Variants in BABAM2 observed in about 807,000 individuals in gnomAD.
BABAM2 encodes the protein BRISC and BRCA1 A complex member 2.
A neutral mutation model predicts 54.7 loss-of-function variants in BABAM2; 31 were observed. That is an observed-to-expected ratio of 0.57 (90% confidence interval 0.43 to 0.77). The LOEUF is 0.77. BABAM2 is among the 30% of genes least tolerant of loss of function. The probability of loss-of-function intolerance (pLI) is 0.00; values close to 1 mark genes in which losing one functional copy is unlikely to be tolerated. For synonymous variants in BABAM2, 167 were observed against 162.9 expected, an observed-to-expected ratio of 1.03 and a Z score of -0.19; for missense variants, 364 against 455.8, an observed-to-expected ratio of 0.80 and a Z score of 1.83.
At chr2:28,115,268 G>A (rs1668511564) in intron 6 of BABAM2, among the ~76,000 whole-genome samples, 1 of 150,884 alleles carries the variant, frequency 6.6e-6, no homozygotes, top group Non-Finnish European at 1.5e-5. Flanking sequence ...CTAAAAACCT[G>A]TAGGATTTTA....
At chr2:27,899,476 GT>G (rs10710226) in intron 2 of BABAM2, among the ~76,000 whole-genome samples, 96,503 of 144,328 alleles carry the variant, frequency 0.67, 32,982 homozygotes, top group Middle Eastern at 0.79. Flanking sequence ...TAGTCCTAGT[GT>G]TTTTTTTTTT....
At chr2:28,312,526 CT>C (rs1344624850) in intron 11 of BABAM2, among the ~76,000 whole-genome samples, 2 of 152,170 alleles carry the variant, frequency 1.3e-5, no homozygotes, top group Admixed American at 6.5e-5. Context: ...GCATTAACTA[CT>C]CAGAAGACTG....
chr2:28,259,104 T>C (rs1323309757), intron 10 of BABAM2, among the ~76,000 whole-genome samples: 1 of 130,780 alleles, frequency 7.6e-6, no homozygotes, highest in Non-Finnish European at 1.6e-5. Context: ...TTTTTTTTTT[T>C]TTCAGACTGA....
chr2:28,205,316 A>G (rs1016442615), intron 7 of BABAM2, among the ~76,000 whole-genome samples: 5 of 152,072 alleles, frequency 3.3e-5, no homozygotes, highest in African/African-American at 1.2e-4. Flanking sequence ...CCTGGCCAAC[A>G]TGGTAAAACC....
intron 6 of BABAM2, among the ~76,000 whole-genome samples, chr2:28,059,509 G>GT (rs754296035): frequency 6.6e-6 from 1 of 152,294 alleles, no homozygotes; most frequent in South Asian, 2.1e-4. Context: ...AGAAAGTCAT[G>GT]TGAGTACTTC....
chr2:27,984,053 C>T (rs924480733), intron 3 of BABAM2, among the ~76,000 whole-genome samples: 35 of 141,848 alleles, frequency 2.5e-4, no homozygotes, highest in African/African-American at 9.0e-4. Context: ...CAATGTTTAC[C>T]AGTTTGGAAA....
chr2:28,112,190 C>CTT (rs1558347322), intron 6 of BABAM2, among the ~76,000 whole-genome samples: 13 of 72,270 alleles, frequency 1.8e-4, no homozygotes, highest in Admixed American at 3.1e-4. Context: ...TCCCTCCCTC[C>CTT]CTCCCTCCCT....
intron 4 of BABAM2, among the ~76,000 whole-genome samples, chr2:27,990,872 T>G (rs865781131): frequency 6.6e-6 from 1 of 152,036 alleles, no homozygotes; most frequent in African/African-American, 2.4e-5. Context: ...AAAAAAGGAT[T>G]TGAGGTAGCT....
intron 6 of BABAM2, among the ~76,000 whole-genome samples, chr2:28,127,409 GT>G (rs1178351602): frequency 6.6e-6 from 1 of 152,096 alleles, no homozygotes; most frequent in Non-Finnish European, 1.5e-5. Flanking sequence ...AACTTGTGGG[GT>G]CAGTAGTAGG....
At chr2:28,144,676 G>T (rs774992090) in intron 7 of BABAM2, among the ~76,000 whole-genome samples, 5 of 152,308 alleles carry the variant, frequency 3.3e-5, no homozygotes, top group Non-Finnish European at 7.4e-5. Flanking sequence ...GCTGGCCAGG[G>T]ACAAGAATCA....
intron 5 of BABAM2, among the ~76,000 whole-genome samples, chr2:28,043,131 G>GT (rs757757963): frequency 2.0e-3 from 271 of 138,832 alleles, no homozygotes; most frequent in East Asian, 2.3e-3. Context: ...TTGGGAGCAT[G>GT]TTTTTTTTTT....
At chr2:28,045,569 C>T (rs971890541) in intron 5 of BABAM2, among the ~76,000 whole-genome samples, 156 bp from the exon 6 acceptor site, 3 of 152,158 alleles carry the variant, frequency 2.0e-5, no homozygotes, top group Non-Finnish European at 4.4e-5. Flanking sequence ...CTGATCCTCC[C>T]CTACTTTTCC....
intron 3 of BABAM2, among the ~76,000 whole-genome samples, chr2:27,944,561 T>A (rs1669157300): frequency 6.6e-6 from 1 of 152,216 alleles, no homozygotes; most frequent in African/African-American, 2.4e-5. Flanking sequence ...CAGTACTTTG[T>A]TCCTTTTATT....
At chr2:28,255,345 C>G (rs1683880287) in intron 10 of BABAM2, among the ~76,000 whole-genome samples, 1 of 152,108 alleles carries the variant, frequency 6.6e-6, no homozygotes, top group African/African-American at 2.4e-5. Flanking sequence ...GCAATCTCAG[C>G]TCACTGCAAC....
chr2:27,934,720 G>GA, intron 3 of BABAM2, among the ~76,000 whole-genome samples: 1 of 152,196 alleles, frequency 6.6e-6, no homozygotes, highest in East Asian at 1.9e-4. Context: ...ATAAGACTGT[G>GA]AAAAAATTAT....
At chr2:27,894,436 G>T in intron 1 of BABAM2, 97 bp from the exon 2 acceptor site, 1 of 1,172,124 alleles carries the variant, frequency 8.5e-7, no homozygotes, top group Non-Finnish European at 1.2e-6. Context: ...ATTTATTCAT[G>T]CAAGAGGAAC....
At chr2:27,908,999 T>C (rs1205701759) in intron 2 of BABAM2, among the ~76,000 whole-genome samples, 1 of 152,156 alleles carries the variant, frequency 6.6e-6, no homozygotes, top group Non-Finnish European at 1.5e-5. Flanking sequence ...TTGGTTTGTA[T>C]TTCCCTAATG....
intron 7 of BABAM2, among the ~76,000 whole-genome samples, chr2:28,175,457 G>A (rs11127134): frequency 0.42 from 64,525 of 151,918 alleles, 14,320 homozygotes; most frequent in East Asian, 0.66. Context: ...CAGTGTCTTC[G>A]GGATTATCCC....
intron 7 of BABAM2, among the ~76,000 whole-genome samples, chr2:28,220,919 CA>C (rs202169117): frequency 6.6e-6 from 1 of 151,580 alleles, no homozygotes; most frequent in South Asian, 2.1e-4. Flanking sequence ...AAGACCCTGT[CA>C]AAAAAAAGAA....
Sources: allele counts gnomAD v4.1 joint callset (sites outside exome capture counted in the v4.1 genomes callset), GRCh38; gene constraint gnomAD v4.1.1; transcripts MANE v1.5; gene names NCBI Gene and HGNC (gene_info 2026-07-23, HGNC 2026-07-21).